The following SMS variants were observed in gnomAD, a reference collection of about 807,000 sequenced individuals.
The protein encoded by SMS is spermidine aminopropyltransferase.
A neutral mutation model predicts 33.0 loss-of-function variants in SMS; 3 were observed. The ratio of observed to expected loss-of-function variants is 0.09; its 90% CI spans 0.04 to 0.23. SMS has a LOEUF of 0.23. Among genes scored for constraint, SMS ranks in the 10% least tolerant of loss-of-function variants. The pLI is 1.00. For missense variants in SMS, 117 were observed against 288.6 expected, an observed-to-expected ratio of 0.41 and a Z score of 4.31; for synonymous variants, 103 against 112.2, an observed-to-expected ratio of 0.92 and a Z score of 0.52.
Position 21,940,878 on chromosome X carries a change from G to A in SMS, c.49+5G>A. On this transcript the variant is annotated splice_donor_5th_base_variant and intron_variant, in intron 1 of 10. Coordinates refer to ENST00000404933, the MANE Select transcript of SMS (RefSeq NM_004595.5). ...ACTTCATGCTCGGCGCCAAAGGTGA[G>A]GGCGCCCGCCGCCACCTGCGTGGCC... 1 of 1,082,965 alleles carries A rather than the reference G, an allele frequency of 9.2e-7. No individual in the cohort carries two copies. Among genetic ancestry groups the A allele is most frequent in the Non-Finnish European group, 1.2e-6 (1 of 832,093 alleles). The allele number at this position is 1,082,965 out of a possible 1,213,427, so 89.2% of individuals were successfully genotyped here.
intron 1 of SMS, 98 bp from the exon 2 acceptor site, chrX:21,967,098 T>G: frequency 2.2e-6 from 1 of 457,364 alleles, no homozygotes; most frequent in South Asian, 5.6e-5. Context: ...ATTTACTTAT[T>G]TATTTATTTT....
At chrX:21,960,181 G>A (rs929825652) in intron 1 of SMS, among the ~76,000 whole-genome samples, 1 of 110,933 alleles carries the variant, frequency 9.0e-6, no homozygotes, top group East Asian at 2.8e-4. Context: ...TTATCACTTG[G>A]CATGATGCGA....
At chrX:21,961,034 C>CTTTTTT (rs773159264) in intron 1 of SMS, among the ~76,000 whole-genome samples, 2 of 41,726 alleles carry the variant, frequency 4.8e-5, no homozygotes, top group Non-Finnish European at 8.2e-5. Context: ...ATATGCATGT[C>CTTTTTT]TTTTTTTTTT....
intron 1 of SMS, among the ~76,000 whole-genome samples, chrX:21,948,065 T>TATA (rs1922358601): frequency 8.9e-6 from 1 of 111,870 alleles, no homozygotes; most frequent in Non-Finnish European, 1.9e-5. Flanking sequence ...ATGCTCTATA[T>TATA]GACTCCAGGC....
intron 1 of SMS, among the ~76,000 whole-genome samples, chrX:21,955,120 G>A (rs1922888902): frequency 8.9e-6 from 1 of 112,017 alleles, no homozygotes; most frequent in South Asian, 3.7e-4. Flanking sequence ...ACAGGCGTGA[G>A]CCACTGCGCC....
At chrX:21,961,057 T>G (rs1923310360) in intron 1 of SMS, among the ~76,000 whole-genome samples, 1 of 94,401 alleles carries the variant, frequency 1.1e-5, no homozygotes, top group African/African-American at 4.6e-5. Flanking sequence ...TTTTTTTTTT[T>G]TTGGTGCCAG....
At chrX:21,977,810 GA>G (rs781263586) in intron 5 of SMS, 149 bp from the exon 6 acceptor site, 8 of 577,810 alleles carry the variant, frequency 1.4e-5, no homozygotes, top group African/African-American at 1.1e-4. Context: ...GTCCTCAATG[GA>G]AAAAAAGCTT....
chrX:21,992,538 ATGAGTGGGGCCCT>A, intron 9 of SMS, 46 bp from the exon 10 acceptor site: 8 of 679,552 alleles, frequency 1.2e-5, no homozygotes, highest in Non-Finnish European at 1.7e-5. Flanking sequence ...AGACCTTCAG[ATGAGTGGGGCCCT>A]TGGAAGGACT....
chrX:21,982,504 G>A (rs144896690), intron 7 of SMS, among the ~76,000 whole-genome samples: 281 of 112,006 alleles, frequency 2.5e-3, no homozygotes, highest in Non-Finnish European at 4.2e-3. Context: ...GCTGGTTGGC[G>A]TGTGAATTGC....
At chrX:21,942,118 C>A (rs1325787223) in intron 1 of SMS, among the ~76,000 whole-genome samples, 2 of 109,503 alleles carry the variant, frequency 1.8e-5, no homozygotes, top group Non-Finnish European at 3.8e-5. Flanking sequence ...TCTGCACTTC[C>A]CATAGGTTCC....
chrX:21,985,214 T>C lies in SMS; in HGVS notation c.936T>C (p.Tyr312=), dbSNP rs370491002. Residue 312 remains tyrosine (Y), a synonymous_variant, in exon 9 of 11, where the codon TAT becomes TAC. Transcript: ENST00000404933. The part of the protein sequence containing the change: ...SMKVLKQDGK[Y]FTQGNCVNLT... ...AAGTGTTGAAACAGGATGGGAAATA[T>C]TTTACACAGGTAGGCTACTTAACAG... The C allele has an allele frequency of 1.4e-4, 160 of 1,157,351 alleles. No homozygotes were observed. The highest frequency in any genetic ancestry group is 1.8e-4 in the Non-Finnish European group (149 of 847,466).
chrX:21,982,062 G>A (rs1045163641), intron 7 of SMS, among the ~76,000 whole-genome samples: 8 of 110,256 alleles, frequency 7.3e-5, no homozygotes, highest in Non-Finnish European at 5.7e-5. Context: ...GGCCGGGCGC[G>A]GTGGCTCACA....
intron 4 of SMS, among the ~76,000 whole-genome samples, chrX:21,974,916 T>A (rs1924441410): frequency 9.3e-6 from 1 of 107,585 alleles, no homozygotes; most frequent in Non-Finnish European, 1.9e-5. Context: ...ATGTTAGAGA[T>A]TAAATCATTA....
chrX:21,952,866 C>G (rs1005405260), intron 1 of SMS, among the ~76,000 whole-genome samples: 1 of 108,724 alleles, frequency 9.2e-6, no homozygotes, highest in African/African-American at 3.4e-5. Context: ...CCTCACCCCC[C>G]TCCCCTCCCG....
intron 2 of SMS, 123 bp from the exon 3 acceptor site, chrX:21,971,774 T>C: frequency 3.8e-6 from 2 of 531,141 alleles, no homozygotes; most frequent in Non-Finnish European, 6.7e-6. Context: ...AAAGCTTAAC[T>C]GTATACTTTT....
intron 1 of SMS, chrX:21,959,867 A>G (rs888348587): frequency 2.1e-5 from 15 of 730,357 alleles, no homozygotes; most frequent in African/African-American, 4.7e-5. Context: ...GACTGGCTCT[A>G]TTGCCAGCCA....
intron 9 of SMS, among the ~76,000 whole-genome samples, 155 bp from the exon 10 acceptor site, chrX:21,992,442 C>T (rs1214917358): frequency 8.9e-6 from 1 of 112,204 alleles, no homozygotes; most frequent in African/African-American, 3.2e-5. Flanking sequence ...AAATAGAATG[C>T]AGTGTGATTT....
At chrX:21,950,751 C>T (rs1322405979) in intron 1 of SMS, among the ~76,000 whole-genome samples, 1 of 111,020 alleles carries the variant, frequency 9.0e-6, no homozygotes, top group African/African-American at 3.3e-5. Context: ...CCAGCATCAT[C>T]CATGTCCCTG....
At chrX:21,973,011 T>C (rs1241564559) in intron 4 of SMS, among the ~76,000 whole-genome samples, 2 of 110,614 alleles carry the variant, frequency 1.8e-5, no homozygotes, top group Non-Finnish European at 3.8e-5. Flanking sequence ...AGCACCTCCT[T>C]CTGGCAACAT....
Sources: allele counts gnomAD v4.1 joint callset (sites outside exome capture counted in the v4.1 genomes callset), GRCh38; gene constraint gnomAD v4.1.1; transcripts MANE v1.5; gene names NCBI Gene and HGNC (gene_info 2026-07-23, HGNC 2026-07-21).